Variants in G2E3 observed in about 807,000 individuals in gnomAD.
G2E3 encodes the protein G2/M-phase specific E3 ubiquitin protein ligase, also known as G2/M phase-specific E3 ubiquitin-protein ligase.
In G2E3, 35 loss-of-function variants were observed where a neutral mutation model predicts 92.8. The ratio of observed to expected loss-of-function variants is 0.38; its 90% CI spans 0.29 to 0.50. G2E3 has a LOEUF of 0.50. Among genes scored for constraint, G2E3 ranks in the 20% least tolerant of loss-of-function variants. The pLI, the probability that G2E3 is intolerant of heterozygous loss-of-function variation, is 0.94. For synonymous variants in G2E3, 242 were observed against 272.4 expected (o/e 0.89, Z 1.10); for missense variants, 554 against 823.8 (o/e 0.67, Z 4.01).
intron 6 of G2E3, among the ~76,000 whole-genome samples, chr14:30,594,562 G>A (rs1029383194): frequency 7.2e-5 from 11 of 151,966 alleles, no homozygotes; most frequent in African/African-American, 2.4e-4. Flanking sequence ...GCATGGTGGC[G>A]GGTGCCTGTA....
intron 6 of G2E3, among the ~76,000 whole-genome samples, chr14:30,594,053 G>A (rs1881149532): frequency 6.6e-6 from 1 of 152,096 alleles, no homozygotes; most frequent in African/African-American, 2.4e-5. Flanking sequence ...CTTCCCAATG[G>A]TAAGCACTTT....
rs757655708 is a variant in G2E3, at chr14:30,602,025, G to C, written c.904G>C (p.Val302Leu). 4 of 1,611,808 alleles carry C rather than the reference G, an allele frequency of 2.5e-6. No individual in the cohort carries two copies. The highest frequency in any genetic ancestry group is 2.5e-6 in the Non-Finnish European group (3 of 1,178,550). Residue 302 changes from valine to leucine, a missense_variant, in exon 10 of 15, where the codon GTA becomes CTA. Val to Leu is a conservative substitution (Grantham distance 32, BLOSUM62 1). Coordinates refer to ENST00000206595, the MANE Select transcript of G2E3 (RefSeq NM_017769.5). The part of the protein sequence containing the change: ...SGEFQKAKKH[V>L]LPNSNNVGIT... ...AGAGTTCCAAAAAGCCAAAAAACAT[G>C]TATTACCCAATTCTAATAATGTGGG... is the stretch of plus-strand genomic sequence containing the variant.
chr14:30,578,730 G>T (rs1219885421), intron 1 of G2E3, among the ~76,000 whole-genome samples: 1 of 152,160 alleles, frequency 6.6e-6, no homozygotes, highest in East Asian at 1.9e-4. Context: ...TCATGTGTAT[G>T]GATGGATTTA....
At chr14:30,565,480 T>C (rs538823824) in intron 1 of G2E3, among the ~76,000 whole-genome samples, 4 of 152,170 alleles carry the variant, frequency 2.6e-5, no homozygotes, top group African/African-American at 9.6e-5. Flanking sequence ...TTCTTGTTGC[T>C]TGTGCTTTTG....
chr14:30,606,011 T>C (rs1376258263), intron 11 of G2E3, among the ~76,000 whole-genome samples, 199 bp downstream of exon 11: 1 of 152,158 alleles, frequency 6.6e-6, no homozygotes, highest in Non-Finnish European at 1.5e-5. Flanking sequence ...AAACATTTTT[T>C]ATTTAAGAAT....
At chr14:30,562,041 C>G (rs947928748) in intron 1 of G2E3, among the ~76,000 whole-genome samples, 1 of 152,036 alleles carries the variant, frequency 6.6e-6, no homozygotes, top group African/African-American at 2.4e-5. Flanking sequence ...ATTTAAAATG[C>G]TTTATACATA....
intron 12 of G2E3, chr14:30,611,984 G>T (rs73251132): frequency 1.3e-5 from 5 of 390,984 alleles, no homozygotes; most frequent in South Asian, 7.9e-5. Context: ...ATAGTTTCAC[G>T]TAGTAAAGTG....
At chr14:30,583,940 A>G (rs569759273) in intron 2 of G2E3, among the ~76,000 whole-genome samples, 147 of 152,306 alleles carry the variant, frequency 9.7e-4, no homozygotes, top group Non-Finnish European at 1.6e-3. Flanking sequence ...CAATGTTGTG[A>G]AACCATCACC....
Position 30,601,794 on chromosome 14 carries a change from G to A in G2E3, c.777G>A (p.Gln259=). ...PDSKWEIKRC[Q]CCGSSGTHLA... ...GCAAATGGGAAATAAAGCGCTGTCA[G>A]TGTTGTGGTTCCAGTGGCACACATT... Residue 259 remains glutamine (Q), a synonymous_variant, in exon 9 of 15, where the codon CAG becomes CAA. Coordinates refer to ENST00000206595, the MANE Select transcript of G2E3 (RefSeq NM_017769.5). 2 of 1,614,024 alleles carry A rather than the reference G, an allele frequency of 1.2e-6. No homozygotes were observed. The highest frequency in any genetic ancestry group is 1.7e-6 in the Non-Finnish European group (2 of 1,179,924).
rs567074442 is a variant in G2E3 at position 30,618,363 on chromosome 14, G to C, written c.*1829G>C. 1 of 152,008 alleles carries C rather than the reference G, an allele frequency of 6.6e-6. No homozygotes were observed. The highest frequency in any genetic ancestry group is 1.9e-4 in the East Asian group (1 of 5,188). The allele number at this position is 152,008 out of a possible 1,614,324, so 9.4% of individuals were successfully genotyped here. On this transcript the variant is annotated 3_prime_UTR_variant, in exon 15 of 15. Transcript: ENST00000206595. The stretch of plus-strand genomic sequence containing the variant: ...CAAATATGTTGATAAAAAGATATTT[G>C]TTTCTTTATCCACCTTATTTTTATT...
At chr14:30,601,563 T>C (rs1386845741) in intron 8 of G2E3, among the ~76,000 whole-genome samples, 3 of 152,178 alleles carry the variant, frequency 2.0e-5, no homozygotes, top group African/African-American at 7.2e-5. Flanking sequence ...TTATATTCTT[T>C]GTATGTGCAT....
intron 1 of G2E3, among the ~76,000 whole-genome samples, chr14:30,564,534 A>T (rs1566522036): frequency 6.6e-6 from 1 of 151,996 alleles, no homozygotes; most frequent in Non-Finnish European, 1.5e-5. Flanking sequence ...GGATATCACC[A>T]TGTTGTCCAG....
intron 1 of G2E3, among the ~76,000 whole-genome samples, chr14:30,579,992 A>G (rs1451726990): frequency 6.6e-6 from 1 of 152,202 alleles, no homozygotes; most frequent in Non-Finnish European, 1.5e-5. Flanking sequence ...GAGAAAAGTT[A>G]TATTTCAGTA....
chr14:30,595,437 G>A (rs945286526), intron 6 of G2E3, among the ~76,000 whole-genome samples: 1 of 152,070 alleles, frequency 6.6e-6, no homozygotes, highest in Non-Finnish European at 1.5e-5. Flanking sequence ...AGCAAAGAAA[G>A]GTTCTCATAC....
At position 30,592,373 on chromosome 14, in the gene G2E3, C is replaced by T. The variant is rs1442327811; in HGVS notation, c.288C>T (p.Pro96=). 3 of 1,608,922 alleles carry T rather than the reference C, an allele frequency of 1.9e-6. No individual in the cohort carries two copies. Among genetic ancestry groups the T allele is most frequent in the Admixed American group, 3.4e-5 (2 of 59,332 alleles). The stretch of plus-strand genomic sequence containing the variant: ...GTGCTTCAATTGGATGTGTTGCACC[C>T]CGATGTAAACGAAGTTATCATTTCC... ...KNGASIGCVA[P]RCKRSYHFPC... The change falls in exon 5 of 15, where the codon CCC becomes CCT. Residue 96 remains proline, a synonymous_variant. Coordinates refer to ENST00000206595, the MANE Select transcript of G2E3 (RefSeq NM_017769.5).
At chr14:30,585,733 C>T (rs563926092) in intron 2 of G2E3, among the ~76,000 whole-genome samples, 1 of 150,664 alleles carries the variant, frequency 6.6e-6, no homozygotes, top group South Asian at 2.1e-4. Context: ...GTTTCTTCTG[C>T]TAGCTTTGGG....
intron 1 of G2E3, among the ~76,000 whole-genome samples, chr14:30,567,382 C>T (rs144593195): frequency 6.6e-6 from 1 of 152,158 alleles, no homozygotes; most frequent in Non-Finnish European, 1.5e-5. Context: ...CTTCTTGTCA[C>T]TTTTGTTATT....
chr14:30,615,255 T>C, intron 13 of G2E3, 94 bp from the exon 14 acceptor site: 1 of 633,154 alleles, frequency 1.6e-6, no homozygotes, highest in Non-Finnish European at 2.6e-6. Flanking sequence ...TTAGCTGTTT[T>C]GAAAACATGC....
At chr14:30,615,266 C>T in intron 13 of G2E3, 83 bp from the exon 14 acceptor site, 5 of 658,634 alleles carry the variant, frequency 7.6e-6, no homozygotes, top group Non-Finnish European at 9.9e-6. Flanking sequence ...GAAAACATGC[C>T]AGATAAAATG....
Sources: gnomAD v4.1 joint callset for allele counts (sites outside exome capture counted in the v4.1 genomes callset) on GRCh38, gnomAD v4.1.1 for gene constraint, MANE v1.5 for transcripts, NCBI Gene and HGNC (gene_info 2026-07-23, HGNC 2026-07-21) for gene names.